KANK1: variants seen among roughly 807,000 people sequenced by gnomAD.
KANK1 encodes the protein KN motif and ankyrin repeat domains 1.
A neutral mutation model predicts 106.2 loss-of-function variants in KANK1; 109 were observed. The observed-to-expected ratio is 1.03, with a 90% confidence interval of 0.88 to 1.20. The LOEUF is 1.20. Among genes scored for constraint, KANK1 ranks in the 50% most tolerant of loss-of-function variants. The pLI, the probability that KANK1 is intolerant of heterozygous loss-of-function variation, is 0.00. For synonymous variants in KANK1, 873 were observed against 652.2 expected, an observed-to-expected ratio of 1.34 and a Z score of -5.16; for missense variants, 2,399 against 1,710.7, an observed-to-expected ratio of 1.40 and a Z score of -7.10.
At chr9:518,613 G>A (rs1205595911) in intron 1 of KANK1, among the ~76,000 whole-genome samples, 1 of 151,692 alleles carries the variant, frequency 6.6e-6, no homozygotes, top group Non-Finnish European at 1.5e-5. Context: ...GTGTTTAAGT[G>A]TGTAAAGAGG....
chr9:701,980 G>T (rs985451778), intron 2 of KANK1, among the ~76,000 whole-genome samples: 1 of 152,088 alleles, frequency 6.6e-6, no homozygotes, highest in Non-Finnish European at 1.5e-5. Flanking sequence ...CAGTAAATTG[G>T]GCCCCTCTCA....
rs1451059975 is a variant in KANK1 at position 745,857 on chromosome 9, C to T, written c.*622C>T. 1.3e-5 allele frequency: 2 copies of T among 152,454 alleles called. No individual in the cohort carries two copies. The highest frequency in any genetic ancestry group is 2.4e-5 in the African/African-American group (1 of 41,392). The allele number at this position is 152,454 out of a possible 1,614,324, so 9.4% of individuals were successfully genotyped here. A position where few individuals can be genotyped will look rare whatever the true frequency, so the allele number is the denominator to read the frequency against. On this transcript the variant is annotated 3_prime_UTR_variant, in exon 12 of 12. Transcript: ENST00000382297. ...CACAGTATTTTCAGCTTTTGTATTCCATACTAAAGCCATGAAGAACTACAC... is the reference window on the plus strand; with the variant it reads ...CACAGTATTTTCAGCTTTTGTATTCTATACTAAAGCCATGAAGAACTACAC...
At position 685,152 on chromosome 9, in the gene KANK1, C is replaced by G. The variant is rs954545047; in HGVS notation, c.37+8143C>G. Among the ~76,000 whole-genome samples the G allele has an allele frequency of 5.9e-5, 9 of 152,290 alleles. No individual in the cohort carries two copies. In the South Asian group the frequency reaches 1.5e-3, roughly 25 times the overall value. Reference sequence around the variant, plus strand: ...TATGCTCATGTTTTACAGGCTAAGCCTGGTTCTGCTTTTGAGCTGCAGTTC... The same window carrying G: ...TATGCTCATGTTTTACAGGCTAAGCGTGGTTCTGCTTTTGAGCTGCAGTTC... On this transcript the variant is annotated intron_variant, in intron 2 of 11. Coordinates refer to ENST00000382297, the MANE Select transcript of KANK1 (RefSeq NM_015158.5).
rs571593044 is a variant in KANK1 at position 744,446 on chromosome 9, G to A, written c.3898-45G>A. The A allele has an allele frequency of 2.5e-6, 4 of 1,587,126 alleles. No individual in the cohort carries two copies. The African/African-American group carries it at 5.4e-5, about 21-fold the overall frequency. On this transcript the variant is annotated intron_variant, in intron 10 of 11. Transcript: ENST00000382297. ...TCTGTTACCTTTCGGTTGTCTGGAG[G>A]TTTGAGAAACCCAACATGGCTTGTT... is the stretch of plus-strand genomic sequence containing the variant.
intron 1 of KANK1, among the ~76,000 whole-genome samples, chr9:609,528 C>T (rs962930343): frequency 6.6e-6 from 1 of 152,052 alleles, no homozygotes; most frequent in Non-Finnish European, 1.5e-5. Context: ...ACTCAAAGGG[C>T]TGAGACAGGA....
At chr9:574,812 A>G (rs1417566106) in intron 1 of KANK1, among the ~76,000 whole-genome samples, 1 of 148,964 alleles carries the variant, frequency 6.7e-6, no homozygotes, top group East Asian at 2.0e-4. Flanking sequence ...CCGAGATTGC[A>G]CCACTGCACT....
At chr9:504,978 G>T (rs909973180) in intron 1 of KANK1, among the ~76,000 whole-genome samples, 3 of 151,122 alleles carry the variant, frequency 2.0e-5, no homozygotes, top group African/African-American at 7.3e-5. Flanking sequence ...GGTCCGAGAG[G>T]TGGCGTCGGC....
intron 1 of KANK1, chr9:549,471 C>T (rs968232377): frequency 9.9e-5 from 15 of 152,240 alleles, no homozygotes; most frequent in South Asian, 2.1e-4. Flanking sequence ...TGCTTCAAGA[C>T]GGGGTCCCGT....
At chr9:678,861 G>T (rs1816925736) in intron 2 of KANK1, among the ~76,000 whole-genome samples, 1 of 152,146 alleles carries the variant, frequency 6.6e-6, no homozygotes, top group Non-Finnish European at 1.5e-5. Flanking sequence ...TTCCTCCCTT[G>T]CCCTCCATTT....
chr9:520,282 T>C (rs2059486367), intron 1 of KANK1, among the ~76,000 whole-genome samples: 1 of 151,758 alleles, frequency 6.6e-6, no homozygotes, highest in African/African-American at 2.4e-5. Context: ...AAGGCTGTAG[T>C]GAGCTGTGAT....
At chr9:506,981 T>C (rs990416719) in intron 1 of KANK1, among the ~76,000 whole-genome samples, 3 of 152,216 alleles carry the variant, frequency 2.0e-5, no homozygotes, top group African/African-American at 7.2e-5. Flanking sequence ...TGTGCATGTT[T>C]TAAAAATCAT....
chr9:635,716 T>TG (rs71310712), intron 1 of KANK1, among the ~76,000 whole-genome samples: 1 of 144,128 alleles, frequency 6.9e-6, no homozygotes, highest in Non-Finnish European at 1.5e-5. Context: ...TTTTTTTTTT[T>TG]GAGACGGAGT....
At chr9:662,524 A>T (rs1468770926) in intron 1 of KANK1, among the ~76,000 whole-genome samples, 1 of 127,144 alleles carries the variant, frequency 7.9e-6, no homozygotes, top group East Asian at 2.4e-4. Flanking sequence ...ATAACACCAC[A>T]CATCTACAAC....
At chr9:486,157 C>G (rs1336466415) in intron 3 of KANK1, among the ~76,000 whole-genome samples, 1 of 152,176 alleles carries the variant, frequency 6.6e-6, no homozygotes, top group East Asian at 1.9e-4. Flanking sequence ...GAAAGCAAAT[C>G]TCCAGATTTG....
intron 1 of KANK1, among the ~76,000 whole-genome samples, chr9:522,806 C>T (rs2059610377): frequency 6.6e-6 from 1 of 151,650 alleles, no homozygotes; most frequent in South Asian, 2.1e-4. Flanking sequence ...GACCACCAGC[C>T]TCTGACCTAC....
chr9:555,578 G>T (rs2061534654), intron 1 of KANK1, among the ~76,000 whole-genome samples: 2 of 152,212 alleles, frequency 1.3e-5, no homozygotes, highest in African/African-American at 4.8e-5. Context: ...AACCTTTGCT[G>T]CGTTTGTCTT....
chr9:625,852 ATC>A lies in KANK1; in HGVS notation c.-83-51033_-83-51032del, dbSNP rs112087730. On this transcript the variant is annotated intron_variant, in intron 1 of 11. Transcript: ENST00000382297. ...TTTAGCCTCTTTCTAGGCTGCCCAT[ATC>A]TCTCACCACTCGGTTCATTTCCCGG... is the stretch of plus-strand genomic sequence containing the variant. 8.8e-4 allele frequency among the ~76,000 whole-genome samples: 134 copies of A among 152,076 alleles called. 1 individual carries two copies. The highest frequency in any genetic ancestry group is 3.2e-3 in the African/African-American group (131 of 41,484).
chr9:556,312 A>G (rs964155305), intron 1 of KANK1, among the ~76,000 whole-genome samples: 4 of 152,140 alleles, frequency 2.6e-5, no homozygotes, highest in African/African-American at 9.7e-5. Flanking sequence ...TCTGTATCTG[A>G]TGCAGTTAGA....
intron 1 of KANK1, among the ~76,000 whole-genome samples, chr9:537,291 C>G (rs753462473): frequency 6.6e-6 from 1 of 152,106 alleles, no homozygotes; most frequent in African/African-American, 2.4e-5. Context: ...TTGGGGAGGA[C>G]GAGAAGCCTC....
Sources: allele counts gnomAD v4.1 joint callset (sites outside exome capture counted in the v4.1 genomes callset), GRCh38; gene constraint gnomAD v4.1.1; transcripts MANE v1.5; gene names NCBI Gene and HGNC (gene_info 2026-07-23, HGNC 2026-07-21).